The following ELMO1 variants were observed in gnomAD, a reference collection of about 807,000 sequenced individuals.
ELMO1 encodes engulfment and cell motility 1.
ELMO1 carries 26 observed loss-of-function variants against 98.9 expected under a neutral mutation model. The ratio of observed to expected loss-of-function variants is 0.26; its 90% CI spans 0.19 to 0.36. The LOEUF (loss-of-function observed/expected upper bound fraction) is 0.36. ELMO1 is among the 10% of genes least tolerant of loss of function. The pLI, the probability that ELMO1 is intolerant of heterozygous loss-of-function variation, is 1.00. For missense variants in ELMO1, 627 were observed against 935.2 expected (o/e 0.67, Z 4.30); for synonymous variants, 346 against 346.0 (o/e 1.00, Z 0.00).
At chr7:37,103,652 A>G (rs917019798) in intron 14 of ELMO1, among the ~76,000 whole-genome samples, 1 of 152,066 alleles carries the variant, frequency 6.6e-6, no homozygotes, top group African/African-American at 2.4e-5. Context: ...CGTTGTGCAC[A>G]TGTACCCTAA....
intron 14 of ELMO1, among the ~76,000 whole-genome samples, chr7:37,119,054 C>T (rs1182339440): frequency 2.0e-5 from 3 of 152,162 alleles, no homozygotes; most frequent in Non-Finnish European, 2.9e-5. Flanking sequence ...TCAGTTTCCT[C>T]GTCTGTAAAA....
chr7:37,205,782 G>T (rs1210606393), intron 13 of ELMO1, among the ~76,000 whole-genome samples: 1 of 152,138 alleles, frequency 6.6e-6, no homozygotes, highest in East Asian at 1.9e-4. Flanking sequence ...ATCTAAAAAA[G>T]CATGTTGAAT....
At chr7:37,448,407 GCTCCCA>G (rs1171102018) in intron 1 of ELMO1, among the ~76,000 whole-genome samples, 1 of 149,780 alleles carries the variant, frequency 6.7e-6, no homozygotes, top group Non-Finnish European at 1.5e-5. Context: ...CCCTCCCTCC[GCTCCCA>G]CTCCCACTCC....
chr7:37,088,431 G>A (rs1003306095), intron 15 of ELMO1, among the ~76,000 whole-genome samples: 5 of 152,146 alleles, frequency 3.3e-5, no homozygotes, highest in Admixed American at 2.6e-4. Context: ...GATGCATCTT[G>A]GTATCTCTAA....
chr7:37,369,418 G>C (rs1045761744), intron 1 of ELMO1, among the ~76,000 whole-genome samples: 1 of 152,228 alleles, frequency 6.6e-6, no homozygotes. Context: ...TTTGCATCTT[G>C]AAGCATTTCA....
chr7:37,101,863 C>T (rs1420135792), intron 14 of ELMO1, among the ~76,000 whole-genome samples: 2 of 152,090 alleles, frequency 1.3e-5, no homozygotes, highest in Non-Finnish European at 2.9e-5. Flanking sequence ...CCGCAGAAAA[C>T]AAGTCAATGC....
chr7:37,017,120 C>T (rs1391283373), intron 15 of ELMO1, among the ~76,000 whole-genome samples: 2 of 152,190 alleles, frequency 1.3e-5, no homozygotes, highest in Admixed American at 1.3e-4. Context: ...GACTGGAATA[C>T]CAGGGTTACG....
At position 37,075,861 on chromosome 7, in the gene ELMO1, C is replaced by A. The variant is rs552847166; in HGVS notation, c.1300+20758G>T. ...TCATCCCTTAAGATAAACCCTGACACAAAATAATGAATTTGAATAAAAAAA... is the reference window on the plus strand; with the variant it reads ...TCATCCCTTAAGATAAACCCTGACAAAAAATAATGAATTTGAATAAAAAAA... On this transcript the variant is annotated intron_variant, in intron 15 of 21. Coordinates refer to ENST00000310758, the MANE Select transcript of ELMO1 (RefSeq NM_014800.11). Among the ~76,000 whole-genome samples the A allele has an allele frequency of 5.9e-5, 9 of 152,098 alleles. No homozygotes were observed. The East Asian group carries it at 1.5e-3, about 26-fold the overall frequency.
In ELMO1 at chr7:36,853,406, T is replaced by C. The variant is rs1187086160; in HGVS notation, c.*2145A>G. Among the ~76,000 whole-genome samples the C allele has an allele frequency of 6.6e-6, 1 of 152,218 alleles. No individual in the cohort carries two copies. Among genetic ancestry groups the C allele is most frequent in the Non-Finnish European group, 1.5e-5 (1 of 68,038 alleles). Reference sequence around the variant, plus strand: ...CTGGTCCAGAAAGTTCCCTTTTTCATGGATTGGATCTTGTAACCCATAAGA... The same window carrying C: ...CTGGTCCAGAAAGTTCCCTTTTTCACGGATTGGATCTTGTAACCCATAAGA... On this transcript the variant is annotated 3_prime_UTR_variant, in exon 22 of 22. Coordinates refer to ENST00000310758, the MANE Select transcript of ELMO1 (RefSeq NM_014800.11).
chr7:37,373,102 G>T (rs1349353650), intron 1 of ELMO1, among the ~76,000 whole-genome samples: 1 of 152,222 alleles, frequency 6.6e-6, no homozygotes, highest in Non-Finnish European at 1.5e-5. Flanking sequence ...TGCCTTGAGA[G>T]TCAGCATTTC....
chr7:37,434,246 T>C (rs1392994469), intron 1 of ELMO1, among the ~76,000 whole-genome samples: 1 of 152,112 alleles, frequency 6.6e-6, no homozygotes, highest in Non-Finnish European at 1.5e-5. Flanking sequence ...CACCACTTTG[T>C]AGGATGATGC....
At chr7:37,436,945 T>G (rs1805176379) in intron 1 of ELMO1, among the ~76,000 whole-genome samples, 1 of 152,224 alleles carries the variant, frequency 6.6e-6, no homozygotes, top group South Asian at 2.1e-4. Flanking sequence ...GTTGACAGCT[T>G]GATCATCTGG....
intron 7 of ELMO1, among the ~76,000 whole-genome samples, chr7:37,240,562 CT>C (rs1300802072): frequency 1.3e-5 from 2 of 151,752 alleles, no homozygotes; most frequent in Non-Finnish European, 2.9e-5. Flanking sequence ...TAAGTAAAAA[CT>C]TAGACCATTT....
chr7:37,131,289 A>C (rs911826921), intron 14 of ELMO1, among the ~76,000 whole-genome samples: 1 of 152,142 alleles, frequency 6.6e-6, no homozygotes, highest in African/African-American at 2.4e-5. Context: ...CAATAAAGAA[A>C]AGTGCATGTG....
At chr7:36,884,971 A>C (rs148504348) in intron 18 of ELMO1, among the ~76,000 whole-genome samples, 409 of 152,276 alleles carry the variant, frequency 2.7e-3, no homozygotes, top group African/African-American at 9.4e-3. Context: ...TCTCATGTAG[A>C]AGTGCGTCTT....
intron 1 of ELMO1, among the ~76,000 whole-genome samples, chr7:37,379,045 T>TC (rs1458626002): frequency 2.8e-5 from 4 of 140,734 alleles, no homozygotes; most frequent in African/African-American, 1.0e-4. Context: ...ACATTCTTCT[T>TC]CTTTTTTTTT....
chr7:37,159,429 G>A (rs569894767), intron 13 of ELMO1, among the ~76,000 whole-genome samples: 25 of 152,310 alleles, frequency 1.6e-4, no homozygotes, highest in African/African-American at 4.6e-4. Flanking sequence ...GGCTGGGCAC[G>A]GTGGCTCATG....
chr7:36,962,741 A>G (rs1207804640), intron 16 of ELMO1, among the ~76,000 whole-genome samples: 2 of 152,146 alleles, frequency 1.3e-5, no homozygotes, highest in African/African-American at 4.8e-5. Context: ...GGTGCTTTGA[A>G]GTCCTCCTTC....
intron 1 of ELMO1, among the ~76,000 whole-genome samples, chr7:37,426,722 G>T (rs1009438466): frequency 5.9e-5 from 9 of 152,026 alleles, no homozygotes; most frequent in Non-Finnish European, 1.0e-4. Flanking sequence ...GCTTACATCA[G>T]TGTTTCCCAA....
Sources: gnomAD v4.1 joint callset for allele counts (sites outside exome capture counted in the v4.1 genomes callset) on GRCh38, gnomAD v4.1.1 for gene constraint, MANE v1.5 for transcripts, NCBI Gene and HGNC (gene_info 2026-07-23, HGNC 2026-07-21) for gene names.